FGL1: variants seen among roughly 807,000 people sequenced by gnomAD.
FGL1 encodes the protein fibrinogen-like protein 1.
A neutral mutation model predicts 43.7 loss-of-function variants in FGL1; 59 were observed. The observed-to-expected ratio is 1.35, with a 90% CI of 1.10 to 1.68. The LOEUF (loss-of-function observed/expected upper bound fraction) is 1.68, where lower values mean the gene tolerates loss of function less well. Among genes scored for constraint, FGL1 ranks in the 40% most tolerant of loss-of-function variants. FGL1 has a pLI of 0.00. For missense variants in FGL1, 596 were observed against 373.0 expected (o/e 1.60, Z -4.92); for synonymous variants, 192 against 126.5 (o/e 1.52, Z -3.48).
intron 3 of FGL1, among the ~76,000 whole-genome samples, chr8:17,875,658 G>A (rs1281244080): frequency 6.6e-6 from 1 of 151,080 alleles, no homozygotes; most frequent in Admixed American, 6.7e-5. Context: ...AGGCTGGAGT[G>A]CAATGGTGCT....
At chr8:17,887,720 A>G (rs1173280573) in intron 1 of FGL1, among the ~76,000 whole-genome samples, 2 of 152,110 alleles carry the variant, frequency 1.3e-5, no homozygotes, top group Non-Finnish European at 2.9e-5. Flanking sequence ...CTGTAATCCC[A>G]GCAAATTGGG....
intron 3 of FGL1, among the ~76,000 whole-genome samples, chr8:17,877,612 GGA>G (rs2053475320): frequency 2.7e-5 from 2 of 72,922 alleles, no homozygotes; most frequent in Non-Finnish European, 6.7e-5. Context: ...GGCAACATAA[GGA>G]AAAAAAAAAA....
At chr8:17,876,090 A>G (rs1483859010) in intron 3 of FGL1, among the ~76,000 whole-genome samples, 2 of 152,188 alleles carry the variant, frequency 1.3e-5, no homozygotes, top group Non-Finnish European at 2.9e-5. Context: ...CAATCTCAAG[A>G]AGAGCCGTCT....
chr8:17,864,788 A>C, intron 7 of FGL1, 37 bp from the exon 8 acceptor site: 1 of 1,415,984 alleles, frequency 7.1e-7, no homozygotes, highest in South Asian at 1.8e-5. Context: ...AACAACAATC[A>C]GACTGGAAAA....
chr8:17,894,587 AT>A (rs1307612686), intron 1 of FGL1, among the ~76,000 whole-genome samples: 1 of 146,772 alleles, frequency 6.8e-6, no homozygotes, highest in Non-Finnish European at 1.5e-5. Context: ...TTTATTTTTA[AT>A]TTTTTATACT....
chr8:17,891,140 T>C (rs569380500), intron 1 of FGL1: 11 of 152,208 alleles, frequency 7.2e-5, no homozygotes, highest in Non-Finnish European at 1.3e-4. Context: ...ACATCTATTA[T>C]GTATACTGCC....
chr8:17,893,451 A>T (rs1418043055), intron 1 of FGL1, among the ~76,000 whole-genome samples: 3 of 150,272 alleles, frequency 2.0e-5, no homozygotes, highest in African/African-American at 7.3e-5. Flanking sequence ...TATATAAGGT[A>T]TATAAATATT....
intron 2 of FGL1, among the ~76,000 whole-genome samples, chr8:17,884,002 C>T (rs923433030): frequency 1.9e-4 from 29 of 150,382 alleles, no homozygotes; most frequent in African/African-American, 6.9e-4. Context: ...AGTCACAGAA[C>T]CTCTCCCAGC....
At position 17,881,138 on chromosome 8, in the gene FGL1, A is replaced by ATTTTTTTTTTTTTTTTTTTTTTT. The variant is rs34570292; in HGVS notation, c.244+860_244+861insAAAAAAAAAAAAAAAAAAAAAAA. Among the ~76,000 whole-genome samples, 37 of 142,956 alleles carry ATTTTTTTTTTTTTTTTTTTTTTT rather than the reference A, an allele frequency of 2.6e-4. 1 individual carries two copies. Among genetic ancestry groups the ATTTTTTTTTTTTTTTTTTTTTTT allele is most frequent in the African/African-American group, 8.7e-4 (32 of 36,854 alleles). 93.8% of individuals were successfully genotyped at this position (142,956 alleles called of 152,430 possible). Reference sequence around the variant, plus strand: ...ATTGTAATCTGCCATGTGTACACGGATTTTTTTTTTTTTTTTGAGACAGAG... The same window carrying ATTTTTTTTTTTTTTTTTTTTTTT: ...ATTGTAATCTGCCATGTGTACACGGATTTTTTTTTTTTTTTTTTTTTTTTTTTTTTTTTTTTTTTGAGACAGAG... On this transcript the variant is annotated intron_variant, in intron 3 of 7. Transcript: ENST00000427924.
intron 3 of FGL1, among the ~76,000 whole-genome samples, chr8:17,878,662 T>G (rs1396253426): frequency 6.6e-6 from 1 of 152,204 alleles, no homozygotes; most frequent in Non-Finnish European, 1.5e-5. Flanking sequence ...GAAAATCATG[T>G]GCCTAGTGCA....
intron 3 of FGL1, among the ~76,000 whole-genome samples, chr8:17,880,905 G>C (rs1369821643): frequency 1.3e-5 from 2 of 152,122 alleles, no homozygotes; most frequent in East Asian, 3.8e-4. Flanking sequence ...ATACCTCATT[G>C]AAAGGAACAT....
At chr8:17,870,175 C>G (rs555059983) in intron 5 of FGL1, among the ~76,000 whole-genome samples, 1 of 151,998 alleles carries the variant, frequency 6.6e-6, no homozygotes, top group South Asian at 2.1e-4. Flanking sequence ...TTTATATATG[C>G]TAAAGAATGA....
intron 3 of FGL1, among the ~76,000 whole-genome samples, chr8:17,877,420 G>C (rs1373218718): frequency 6.6e-6 from 1 of 152,170 alleles, no homozygotes. Context: ...ATGACAGCCT[G>C]CCAAATGGGC....
At chr8:17,891,870 A>C in intron 1 of FGL1, 1 of 779,566 alleles carries the variant, frequency 1.3e-6, no homozygotes. Context: ...CTTTTTTGTG[A>C]TTTGCAAATA....
At chr8:17,875,794 A>C (rs937479044) in intron 3 of FGL1, among the ~76,000 whole-genome samples, 27 of 151,962 alleles carry the variant, frequency 1.8e-4, no homozygotes, top group Non-Finnish European at 3.4e-4. Context: ...TTTAGTACAG[A>C]CTGGATTTTG....
rs540421997 is a variant in FGL1, at chr8:17,889,671, A to G, written c.-17-4100T>C. ...GGATGCTTATGATTTCTCCAGGACC[A>G]TTCAGCCTCTGGGGATATCCCCTGG... On this transcript the variant is annotated intron_variant, in intron 1 of 7. Coordinates refer to ENST00000427924, the MANE Select transcript of FGL1 (RefSeq NM_004467.4). Among the ~76,000 whole-genome samples the G allele has an allele frequency of 5.3e-4, 81 of 152,348 alleles. 1 individual carries two copies. The highest frequency in any genetic ancestry group is 1.9e-3 in the African/African-American group (80 of 41,580).
At chr8:17,891,093 C>T (rs1008891056) in intron 1 of FGL1, among the ~76,000 whole-genome samples, 3 of 152,102 alleles carry the variant, frequency 2.0e-5, no homozygotes, top group Non-Finnish European at 2.9e-5. Flanking sequence ...CTACTCCAAC[C>T]GCCCTGTACA....
At chr8:17,882,336 G>T in intron 2 of FGL1, 157 bp from the exon 3 acceptor site, 1 of 568,258 alleles carries the variant, frequency 1.8e-6, no homozygotes. Context: ...TTCTAATACT[G>T]CCTACTATTT....
chr8:17,871,185 A>G (rs988398150), intron 5 of FGL1, among the ~76,000 whole-genome samples: 3 of 152,166 alleles, frequency 2.0e-5, no homozygotes, highest in Non-Finnish European at 4.4e-5. Flanking sequence ...GGCTAAGTCA[A>G]CTGTCTTTAA....
Sources: allele counts gnomAD v4.1 joint callset (sites outside exome capture counted in the v4.1 genomes callset), GRCh38; gene constraint gnomAD v4.1.1; transcripts MANE v1.5; gene names NCBI Gene and HGNC (gene_info 2026-07-23, HGNC 2026-07-21).